The following SLC6A6 variants were observed in gnomAD, a reference collection of about 807,000 sequenced individuals.
SLC6A6 encodes the protein sodium- and chloride-dependent taurine transporter.
In SLC6A6, 16 loss-of-function variants were observed where a neutral mutation model predicts 68.8. The observed-to-expected ratio is 0.23, with a 90% confidence interval of 0.16 to 0.35. The LOEUF (loss-of-function observed/expected upper bound fraction) is 0.35, where lower values mean the gene tolerates loss of function less well. Ranked by LOEUF, SLC6A6 falls within the 10% of genes least tolerant of loss-of-function variation. SLC6A6 has a pLI of 1.00. For missense variants in SLC6A6, 474 were observed against 802.8 expected (o/e 0.59, Z 4.95); for synonymous variants, 312 against 315.4 (o/e 0.99, Z 0.12).
At chr3:14,411,582 C>T (rs953801070) in intron 1 of SLC6A6, among the ~76,000 whole-genome samples, 1 of 152,246 alleles carries the variant, frequency 6.6e-6, no homozygotes, top group Non-Finnish European at 1.5e-5. Flanking sequence ...TACCCATGCA[C>T]TTGACTGGGG....
chr3:14,418,423 G>T (rs11714895), intron 2 of SLC6A6, among the ~76,000 whole-genome samples: 15 of 152,128 alleles, frequency 9.9e-5, no homozygotes, highest in Non-Finnish European at 2.1e-4. Context: ...TAGGTTGCTT[G>T]GTCACAAGCA....
Position 14,466,376 on chromosome 3 carries a change from G to A in SLC6A6, c.733-140G>A, listed in dbSNP as rs562654362. 980 of 879,066 alleles carry A rather than the reference G, an allele frequency of 1.1e-3. 5 individuals are homozygous for A. The highest frequency in any genetic ancestry group is 1.5e-3 in the Non-Finnish European group (890 of 589,434). The allele number at this position is 879,066 out of a possible 1,614,324, so 54.5% of individuals were successfully genotyped here. A position where few individuals can be genotyped will look rare whatever the true frequency, so the allele number is the denominator to read the frequency against. ...GTGGTTAAGCAATGTGCCAAAGGCC[G>A]CACAGCAAGTAAGACAGCAAACCTG... On this transcript the variant is annotated intron_variant, in intron 6 of 14. Transcript: ENST00000622186.
chr3:14,438,143 C>T (rs966020392), intron 2 of SLC6A6, among the ~76,000 whole-genome samples: 12 of 151,916 alleles, frequency 7.9e-5, no homozygotes, highest in African/African-American at 2.9e-4. Flanking sequence ...CCACGCCTGG[C>T]CCACTTTTTC....
At chr3:14,466,881 G>A (rs920890746) in intron 7 of SLC6A6, among the ~76,000 whole-genome samples, 1 of 152,170 alleles carries the variant, frequency 6.6e-6, no homozygotes, top group Non-Finnish European at 1.5e-5. Context: ...TGTCAAGGAC[G>A]TCTGAGGGTG....
chr3:14,445,201 T>A, intron 3 of SLC6A6, among the ~76,000 whole-genome samples: 1 of 151,914 alleles, frequency 6.6e-6, no homozygotes, highest in East Asian at 1.9e-4. Flanking sequence ...GGCGGGCGGA[T>A]CACGAGGTCA....
At chr3:14,458,918 T>G (rs1471957914) in intron 6 of SLC6A6, among the ~76,000 whole-genome samples, 1 of 152,240 alleles carries the variant, frequency 6.6e-6, no homozygotes, top group East Asian at 1.9e-4. Context: ...TTTAAGGTTT[T>G]AGGTATAACT....
In SLC6A6 at chr3:14,466,700, C is replaced by T. The variant is rs374302601; in HGVS notation, c.867+50C>T. On this transcript the variant is annotated intron_variant, in intron 7 of 14. Transcript: ENST00000622186. ...TCCTCCCTCCCATCCAGGGCTGGGC[C>T]GGCACAGGACAGGGCAGGATGTAGA... 1.8e-5 allele frequency: 28 copies of T among 1,556,460 alleles called. No individual in the cohort carries two copies. In the Admixed American group the frequency reaches 2.4e-4, roughly 13 times the overall value.
intron 1 of SLC6A6, among the ~76,000 whole-genome samples, chr3:14,405,668 G>C (rs1387841508): frequency 6.6e-6 from 1 of 152,248 alleles, no homozygotes; most frequent in Non-Finnish European, 1.5e-5. Context: ...AACTTGGCCA[G>C]AGCGTTCGTT....
chr3:14,471,130 C>CTTTTTTTTTTTTTTTTTTTTTTTGTTT (rs754511089), intron 9 of SLC6A6, among the ~76,000 whole-genome samples: 1 of 83,124 alleles, frequency 1.2e-5, no homozygotes, highest in African/African-American at 4.9e-5. Context: ...TGCTTCTTGA[C>CTTTTTTTTTTTTTTTTTTTTTTTGTTT]TTTTTTTTTT....
At chr3:14,455,547 A>G (rs1349430086) in intron 5 of SLC6A6, among the ~76,000 whole-genome samples, 1 of 152,218 alleles carries the variant, frequency 6.6e-6, no homozygotes, top group African/African-American at 2.4e-5. Context: ...CCAGCGTGGG[A>G]CAGGACAGCG....
rs370209276 is a variant in SLC6A6, at chr3:14,472,321, C to G, written c.1209+4C>G. ...CTTGCTTGGACTGGATAGCCAGGTG[C>G]GTATAAGGGATGGCCCTGGGGCGAC... On this transcript the variant is annotated splice_donor_region_variant and intron_variant, in intron 10 of 14. Transcript: ENST00000622186. The surrounding 1 kb of genome is among the most constrained non-coding windows in gnomAD (Gnocchi z 4.5). 5.2e-6 allele frequency: 8 copies of G among 1,549,492 alleles called. No individual in the cohort carries two copies. The highest frequency in any genetic ancestry group is 7.1e-6 in the Non-Finnish European group (8 of 1,121,310).
chr3:14,436,315 C>T (rs1410832992), intron 2 of SLC6A6, among the ~76,000 whole-genome samples: 1 of 152,126 alleles, frequency 6.6e-6, no homozygotes, highest in East Asian at 1.9e-4. Context: ...ATCCTCCTAC[C>T]GCAGCCTCCT....
At chr3:14,438,734 T>C (rs1440949546) in intron 2 of SLC6A6, among the ~76,000 whole-genome samples, 2 of 152,154 alleles carry the variant, frequency 1.3e-5, no homozygotes, top group African/African-American at 2.4e-5. Flanking sequence ...GCAGGCAAAA[T>C]AGGAAACAGA....
At chr3:14,455,536 C>T (rs1042568166) in intron 5 of SLC6A6, among the ~76,000 whole-genome samples, 1 of 152,220 alleles carries the variant, frequency 6.6e-6, no homozygotes, top group African/African-American at 2.4e-5. Context: ...CAGACATTTC[C>T]CCAGCGTGGG....
At chr3:14,459,550 G>A (rs758643842) in intron 6 of SLC6A6, among the ~76,000 whole-genome samples, 11 of 152,050 alleles carry the variant, frequency 7.2e-5, no homozygotes, top group Non-Finnish European at 1.2e-4. Context: ...AGCAGTCCAG[G>A]CCTTGGACAC....
chr3:14,459,974 T>C (rs1208272047), intron 6 of SLC6A6, among the ~76,000 whole-genome samples: 2 of 150,930 alleles, frequency 1.3e-5, no homozygotes, highest in African/African-American at 4.9e-5. Flanking sequence ...CTCAGCTCAC[T>C]TTCTGGGCTC....
intron 2 of SLC6A6, among the ~76,000 whole-genome samples, chr3:14,434,249 C>T (rs952755984): frequency 6.6e-6 from 1 of 152,188 alleles, no homozygotes; most frequent in African/African-American, 2.4e-5. Context: ...TTCCATCATC[C>T]GGGCTGGTGA....
At chr3:14,479,892 T>G (rs1700969064) in intron 13 of SLC6A6, among the ~76,000 whole-genome samples, 1 of 152,206 alleles carries the variant, frequency 6.6e-6, no homozygotes, top group Non-Finnish European at 1.5e-5. Context: ...CATTGGAGCT[T>G]ATTGCCAGGG....
chr3:14,434,593 G>C (rs954252895), intron 2 of SLC6A6, among the ~76,000 whole-genome samples: 1 of 152,192 alleles, frequency 6.6e-6, no homozygotes, highest in Non-Finnish European at 1.5e-5. Flanking sequence ...GAGGGGAAGT[G>C]ACTTGGCCTG....
Sources: gnomAD v4.1 joint callset for allele counts (sites outside exome capture counted in the v4.1 genomes callset) on GRCh38, gnomAD v4.1.1 for gene constraint, Gnocchi (gnomAD v3.1) non-coding constraint, MANE v1.5 for transcripts, NCBI Gene and HGNC (gene_info 2026-07-23, HGNC 2026-07-21) for gene names.